Variants in CSMD1 observed in about 807,000 individuals in gnomAD.
CSMD1 encodes the protein CUB and Sushi multiple domains 1.
CSMD1 carries 213 observed loss-of-function variants against 417.5 expected under a neutral mutation model. The ratio of observed to expected loss-of-function variants is 0.51; its 90% CI spans 0.46 to 0.57. The LOEUF (loss-of-function observed/expected upper bound fraction) is 0.57. CSMD1 is among the 20% of genes least tolerant of loss of function. CSMD1 has a pLI of 0.00. For synonymous variants in CSMD1, 2,862 were observed against 1,736.8 expected (o/e 1.65, Z -16.11); for missense variants, 6,923 against 4,529.7 (o/e 1.53, Z -15.17).
At chr8:3,177,189 A>G (rs192172007) in intron 37 of CSMD1, among the ~76,000 whole-genome samples, 3 of 152,290 alleles carry the variant, frequency 2.0e-5, no homozygotes, top group Admixed American at 6.5e-5. Context: ...TCAGCTTAAT[A>G]AACACCAACT....
chr8:3,668,425 G>A (rs150505920), intron 7 of CSMD1, among the ~76,000 whole-genome samples: 148 of 152,270 alleles, frequency 9.7e-4, no homozygotes, highest in African/African-American at 3.5e-3. Flanking sequence ...TAGCTACAGT[G>A]TAAGCTGAAG....
chr8:3,458,743 C>T (rs1187097055), intron 12 of CSMD1, among the ~76,000 whole-genome samples: 1 of 152,134 alleles, frequency 6.6e-6, no homozygotes, highest in African/African-American at 2.4e-5. Flanking sequence ...GTAAATGGCT[C>T]TTAATATCTT....
At chr8:3,407,552 T>C (rs919344482) in intron 14 of CSMD1, among the ~76,000 whole-genome samples, 1 of 151,082 alleles carries the variant, frequency 6.6e-6, no homozygotes, top group Non-Finnish European at 1.5e-5. Context: ...AATGGAAGAA[T>C]AGATGGAATA....
chr8:4,064,963 G>C (rs1279892473), intron 3 of CSMD1, among the ~76,000 whole-genome samples: 1 of 151,636 alleles, frequency 6.6e-6, no homozygotes, highest in Non-Finnish European at 1.5e-5. Flanking sequence ...ATTTAACGCT[G>C]TGCATTCACT....
At position 3,320,093 on chromosome 8, in the gene CSMD1, G is replaced by C. The variant is rs529059317; in HGVS notation, c.3632-11590C>G. Among the ~76,000 whole-genome samples, 10 of 152,278 alleles carry C rather than the reference G, an allele frequency of 6.6e-5. No individual in the cohort carries two copies. In the South Asian group the frequency reaches 1.9e-3, roughly 28 times the overall value. ...AGAGGGGCTGCCACCAGCGCACACA[G>C]AAGACATGCTCTGTGCCACACAATT... is the stretch of plus-strand genomic sequence containing the variant. On this transcript the variant is annotated intron_variant, in intron 23 of 69. Transcript: ENST00000635120.
chr8:4,858,485 G>T (rs2116863084), intron 1 of CSMD1, among the ~76,000 whole-genome samples: 1 of 151,530 alleles, frequency 6.6e-6, no homozygotes, highest in Admixed American at 6.6e-5. Flanking sequence ...GTCCCTGTTT[G>T]CAGACGACAT....
At chr8:3,136,906 T>C (rs941838183) in intron 41 of CSMD1, among the ~76,000 whole-genome samples, 38 of 148,994 alleles carry the variant, frequency 2.6e-4, no homozygotes, top group African/African-American at 7.8e-4. Flanking sequence ...TTTTTAAAAA[T>C]TTTTTTCTAT....
intron 2 of CSMD1, among the ~76,000 whole-genome samples, chr8:4,596,809 C>A (rs1455453026): frequency 3.9e-5 from 6 of 152,182 alleles, no homozygotes; most frequent in Non-Finnish European, 7.3e-5. Flanking sequence ...TACCAGAATA[C>A]CCACATATTG....
chr8:4,269,346 G>A (rs1804426297), intron 3 of CSMD1, among the ~76,000 whole-genome samples: 1 of 152,158 alleles, frequency 6.6e-6, no homozygotes, highest in South Asian at 2.1e-4. Flanking sequence ...GATTACAGGT[G>A]TGAGCCACTG....
chr8:4,563,581 G>C (rs760472580), intron 2 of CSMD1, among the ~76,000 whole-genome samples: 37 of 152,068 alleles, frequency 2.4e-4, no homozygotes, highest in African/African-American at 8.5e-4. Context: ...CCTTATAAAT[G>C]AGTTGAAGAC....
At chr8:3,348,203 G>C (rs752943920) in intron 21 of CSMD1, 42 bp from the exon 22 acceptor site, 1 of 1,525,960 alleles carries the variant, frequency 6.6e-7, no homozygotes, top group East Asian at 2.3e-5. Flanking sequence ...TTCAAAAGTG[G>C]AATTACTGTT....
At chr8:3,472,592 A>G (rs1042940361) in intron 11 of CSMD1, among the ~76,000 whole-genome samples, 12 of 151,908 alleles carry the variant, frequency 7.9e-5, no homozygotes, top group African/African-American at 2.9e-4. Flanking sequence ...ACTGACATAT[A>G]TATATATAAA....
intron 2 of CSMD1, among the ~76,000 whole-genome samples, chr8:4,443,925 G>A (rs1040777121): frequency 2.6e-5 from 4 of 152,168 alleles, no homozygotes; most frequent in East Asian, 1.9e-4. Context: ...TAAGAAATGC[G>A]TACATATACA....
At chr8:3,342,980 C>A (rs79107250) in intron 23 of CSMD1, among the ~76,000 whole-genome samples, 3,659 of 152,170 alleles carry the variant, frequency 0.024, 79 homozygotes, top group East Asian at 0.083. Context: ...TATATAAGCA[C>A]ATGAATTTGT....
chr8:4,341,121 T>G (rs76114671), intron 3 of CSMD1, among the ~76,000 whole-genome samples: 1 of 152,234 alleles, frequency 6.6e-6, no homozygotes, highest in African/African-American at 2.4e-5. Flanking sequence ...AATACATCGT[T>G]GCCTAGGTAA....
At chr8:4,432,081 T>A (rs756050240) in intron 2 of CSMD1, among the ~76,000 whole-genome samples, 4 of 152,152 alleles carry the variant, frequency 2.6e-5, no homozygotes, top group Non-Finnish European at 5.9e-5. Context: ...AGGATTAGAA[T>A]ACAGAAATAT....
At chr8:4,296,008 T>A (rs1244851532) in intron 3 of CSMD1, among the ~76,000 whole-genome samples, 1 of 151,936 alleles carries the variant, frequency 6.6e-6, no homozygotes, top group East Asian at 1.9e-4. Context: ...AGACTTTATC[T>A]CCAACAACAT....
chr8:3,832,056 C>A (rs1042165227), intron 5 of CSMD1, among the ~76,000 whole-genome samples: 3 of 152,168 alleles, frequency 2.0e-5, no homozygotes, highest in Non-Finnish European at 4.4e-5. Flanking sequence ...CTGTTACCAG[C>A]CCTTCTTAAT....
rs1251044152 is a variant in CSMD1 at position 3,107,594 on chromosome 8, T to TTTTTTC, written c.6835+123_6835+124insGAAAAA. 1.8e-5 allele frequency: 6 copies of TTTTTTC among 337,026 alleles called. No individual in the cohort carries two copies. In the Admixed American group the frequency reaches 3.6e-4, roughly 20 times the overall value. The allele number at this position is 337,026 out of a possible 1,614,324, so 20.9% of individuals were successfully genotyped here. On this transcript the variant is annotated intron_variant, in intron 45 of 69. Transcript: ENST00000635120. Reference sequence around the variant, plus strand: ...CAATACTTTAAGGATAGTTTGTTCTTTGTTTCTGTTTTTGTTTCTCTGACA... The same window carrying TTTTTTC: ...CAATACTTTAAGGATAGTTTGTTCTTTTTTTCTGTTTCTGTTTTTGTTTCTCTGACA...
Sources: allele counts gnomAD v4.1 joint callset (sites outside exome capture counted in the v4.1 genomes callset), GRCh38; gene constraint gnomAD v4.1.1; transcripts MANE v1.5; gene names NCBI Gene and HGNC (gene_info 2026-07-23, HGNC 2026-07-21).